METTL15: variants seen among roughly 807,000 people sequenced by gnomAD.
METTL15 encodes the protein 12S rRNA N(4)-cytidine methyltransferase METTL15.
Under a neutral mutation model 38.3 loss-of-function variants are expected in METTL15, and 34 were observed. That is an observed-to-expected ratio of 0.89 (90% CI 0.68 to 1.18). The LOEUF (loss-of-function observed/expected upper bound fraction) is 1.18. Among genes scored for constraint, METTL15 ranks in the 50% most tolerant of loss-of-function variants. The pLI is 0.00. For synonymous variants in METTL15, 162 were observed against 170.9 expected, an observed-to-expected ratio of 0.95 and a Z score of 0.41; for missense variants, 438 against 498.4, an observed-to-expected ratio of 0.88 and a Z score of 1.15.
intron 3 of METTL15, among the ~76,000 whole-genome samples, chr11:28,203,204 A>G (rs1392466837): frequency 6.6e-6 from 1 of 152,068 alleles, no homozygotes; most frequent in African/African-American, 2.4e-5. Context: ...ACCACCTATG[A>G]GTCTATGATT....
intron 4 of METTL15, among the ~76,000 whole-genome samples, chr11:28,221,924 A>G (rs1337073462): frequency 6.6e-6 from 1 of 152,160 alleles, no homozygotes; most frequent in Non-Finnish European, 1.5e-5. Context: ...GTTTTGTCTC[A>G]GAGGGGTACC....
intron 5 of METTL15, among the ~76,000 whole-genome samples, chr11:28,388,694 A>G (rs552064275): frequency 1.1e-4 from 17 of 151,878 alleles, no homozygotes; most frequent in Admixed American, 2.6e-4. Context: ...CTTTTTTTTT[A>G]TTATACTTTA....
At chr11:28,176,227 C>T (rs1466119193) in intron 3 of METTL15, among the ~76,000 whole-genome samples, 2 of 151,854 alleles carry the variant, frequency 1.3e-5, no homozygotes, top group African/African-American at 4.8e-5. Flanking sequence ...TCCTGTAATC[C>T]TGCTGTTAAA....
At chr11:28,355,284 T>C (rs929066033) in intron 4 of METTL15, among the ~76,000 whole-genome samples, 3 of 152,222 alleles carry the variant, frequency 2.0e-5, no homozygotes, top group Non-Finnish European at 1.5e-5. Flanking sequence ...CAAAAATTAA[T>C]ACATTTCAAT....
intron 6 of METTL15, among the ~76,000 whole-genome samples, chr11:28,426,445 T>C (rs1173204656): frequency 1.3e-5 from 2 of 152,206 alleles, no homozygotes; most frequent in Non-Finnish European, 2.9e-5. Flanking sequence ...TACCCAGGAA[T>C]GGGATTGCTG....
rs117828422 is a variant in METTL15, at chr11:28,414,454, G to A, written c.*359-9845G>A. Among the ~76,000 whole-genome samples, 98 of 152,146 alleles carry A rather than the reference G, an allele frequency of 6.4e-4. 1 individual carries two copies. The highest frequency in any genetic ancestry group is 1.3e-3 in the Non-Finnish European group (87 of 68,006). On this transcript the variant is annotated intron_variant and NMD_transcript_variant, in intron 5 of 7. Coordinates refer to the METTL15 transcript ENST00000532947. ...ACTGCAGGGCTCCGTTCTTCCCCCA[G>A]CCTATGATAGATAGAGACCTAATCT...
intron 5 of METTL15, among the ~76,000 whole-genome samples, chr11:28,397,196 C>G (rs918237328): frequency 1.3e-5 from 2 of 152,152 alleles, no homozygotes; most frequent in South Asian, 2.1e-4. Context: ...GACTTCATGT[C>G]TAAAACACCA....
At chr11:28,500,723 A>G (rs1318437842) in intron 6 of METTL15, among the ~76,000 whole-genome samples, 3 of 152,038 alleles carry the variant, frequency 2.0e-5, no homozygotes, top group Non-Finnish European at 2.9e-5. Flanking sequence ...GGGTTTCACC[A>G]TGTTGGCCAG....
intron 5 of METTL15, among the ~76,000 whole-genome samples, chr11:28,385,999 A>G (rs534996678): frequency 6.6e-6 from 1 of 152,266 alleles, no homozygotes; most frequent in Admixed American, 6.5e-5. Flanking sequence ...GAAATAAATG[A>G]CTAGAGTTTT....
At chr11:28,456,911 C>T (rs1851174003) in intron 6 of METTL15, among the ~76,000 whole-genome samples, 1 of 152,172 alleles carries the variant, frequency 6.6e-6, no homozygotes, top group African/African-American at 2.4e-5. Context: ...TAAGTCTAAG[C>T]CATGTGATTC....
chr11:28,120,585 G>A (rs955645869), intron 3 of METTL15, among the ~76,000 whole-genome samples: 8 of 151,734 alleles, frequency 5.3e-5, no homozygotes, highest in Admixed American at 3.9e-4. Flanking sequence ...CATGGGGTAC[G>A]TTCCTGATGT....
At chr11:28,362,624 A>G (rs1850149520) in intron 5 of METTL15, among the ~76,000 whole-genome samples, 1 of 152,252 alleles carries the variant, frequency 6.6e-6, no homozygotes, top group Admixed American at 6.5e-5. Context: ...CACTTAGAAT[A>G]ATGAATGGTC....
chr11:28,274,579 T>G (rs1353161373), intron 4 of METTL15, among the ~76,000 whole-genome samples: 1 of 151,860 alleles, frequency 6.6e-6, no homozygotes, highest in Non-Finnish European at 1.5e-5. Flanking sequence ...ATATATAGAG[T>G]AGAATAAAAA....
intron 6 of METTL15, among the ~76,000 whole-genome samples, chr11:28,506,653 G>A (rs1050704617): frequency 3.3e-5 from 5 of 151,338 alleles, no homozygotes; most frequent in African/African-American, 1.2e-4. Flanking sequence ...AGTTGTAACT[G>A]TGGCCTGTAT....
chr11:28,288,482 A>G (rs1245729051), intron 4 of METTL15, among the ~76,000 whole-genome samples: 2 of 152,214 alleles, frequency 1.3e-5, no homozygotes, highest in African/African-American at 4.8e-5. Flanking sequence ...CTAAGCAGCC[A>G]TAAAACAGAA....
At chr11:28,436,076 T>C (rs1333317977) in intron 6 of METTL15, among the ~76,000 whole-genome samples, 1 of 152,244 alleles carries the variant, frequency 6.6e-6, no homozygotes, top group Non-Finnish European at 1.5e-5. Flanking sequence ...ACTTTCAACA[T>C]CCTGCATGGA....
chr11:28,244,568 C>A (rs1449044975), intron 4 of METTL15, among the ~76,000 whole-genome samples: 1 of 152,060 alleles, frequency 6.6e-6, no homozygotes, highest in African/African-American at 2.4e-5. Flanking sequence ...TGGTATGGCT[C>A]AGGAATCTGC....
chr11:28,297,168 TA>T (rs1395776869), intron 6 of METTL15, among the ~76,000 whole-genome samples: 1 of 151,984 alleles, frequency 6.6e-6, no homozygotes, highest in Admixed American at 6.6e-5. Context: ...ATACAATTTT[TA>T]AAAAAATATA....
intron 3 of METTL15, among the ~76,000 whole-genome samples, chr11:28,348,817 C>G (rs1850018441): frequency 1.3e-5 from 2 of 152,104 alleles, no homozygotes; most frequent in Admixed American, 6.6e-5. Context: ...TGTACTTTGG[C>G]CACTGGGAGC....
Sources: allele counts gnomAD v4.1 joint callset (sites outside exome capture counted in the v4.1 genomes callset), GRCh38; gene constraint gnomAD v4.1.1; transcripts MANE v1.5; gene names NCBI Gene and HGNC (gene_info 2026-07-23, HGNC 2026-07-21).